RIMKLA: variants seen among roughly 807,000 people sequenced by gnomAD.
RIMKLA encodes N-acetylaspartylglutamate synthase A.
RIMKLA carries 14 observed loss-of-function variants against 32.7 expected under a neutral mutation model. The observed-to-expected ratio is 0.43, with a 90% CI of 0.28 to 0.67. RIMKLA has a LOEUF of 0.67. Ranked by LOEUF, RIMKLA falls within the 30% of genes least tolerant of loss-of-function variation. The probability of loss-of-function intolerance (pLI) is 0.18; values close to 1 mark genes in which losing one functional copy is unlikely to be tolerated. For missense variants in RIMKLA, 410 were observed against 519.0 expected, an observed-to-expected ratio of 0.79 and a Z score of 2.04; for synonymous variants, 176 against 204.1, an observed-to-expected ratio of 0.86 and a Z score of 1.18.
At position 42,399,541 on chromosome 1, in the gene RIMKLA, C is replaced by T. The variant is rs747498612; in HGVS notation, c.301C>T (p.Arg101Cys). 2.5e-6 allele frequency: 4 copies of T among 1,613,440 alleles called. No individual in the cohort carries two copies. The highest frequency in any genetic ancestry group is 3.4e-6 in the Non-Finnish European group (4 of 1,179,748). The stretch of plus-strand genomic sequence containing the variant: ...GAAGCTGGGCTGCCGGTTGGTCAAT[C>T]GCCCACAGAGCATCTTAAATTGCAT... Reference protein sequence around the residue: ...LEKLGCRLVNRPQSILNCINK... With the variant: ...LEKLGCRLVNCPQSILNCINK... Residue 101 changes from arginine (R) to cysteine (C), a missense_variant, in exon 2 of 5, where the codon CGC (arginine) becomes TGC (cysteine). By Grantham distance (180) the Arg-to-Cys change is radical. Coordinates refer to ENST00000431473, the MANE Select transcript of RIMKLA (RefSeq NM_173642.4).
At chr1:42,401,784 T>C (rs1399004318) in intron 2 of RIMKLA, among the ~76,000 whole-genome samples, 1 of 152,168 alleles carries the variant, frequency 6.6e-6, no homozygotes, top group African/African-American at 2.4e-5. Context: ...TAAGGGATGA[T>C]GCAGGGTCAA....
intron 2 of RIMKLA, among the ~76,000 whole-genome samples, chr1:42,401,410 G>A (rs1643096031): frequency 7.2e-6 from 1 of 138,056 alleles, no homozygotes. Context: ...CTATGATCAT[G>A]CCATTGCCAG....
intron 4 of RIMKLA, among the ~76,000 whole-genome samples, chr1:42,413,940 AG>A (rs2148396582): frequency 6.6e-6 from 1 of 150,808 alleles, no homozygotes; most frequent in East Asian, 2.1e-4. Flanking sequence ...ATTTTTTTGT[AG>A]AGATGGGGTC....
intron 3 of RIMKLA, among the ~76,000 whole-genome samples, chr1:42,406,225 C>T (rs796148828): frequency 3.3e-5 from 5 of 152,230 alleles, no homozygotes; most frequent in African/African-American, 1.2e-4. Flanking sequence ...AATGAAAATA[C>T]AATTCACATA....
At position 42,421,168 on chromosome 1, in the gene RIMKLA, G is replaced by A. The variant is rs1267266487; in HGVS notation, c.*6194G>A. On this transcript the variant is annotated 3_prime_UTR_variant, in exon 5 of 5. Transcript: ENST00000431473. This position sits in a 1 kb window ranked among gnomAD's most constrained non-coding sequence, Gnocchi z 4.6. The stretch of plus-strand genomic sequence containing the variant: ...ACGCTATGTGCAAGATCTAGCGAAC[G>A]TATTTGGCTAAGAAAAATCCTGGAG... The A allele has an allele frequency of 3.3e-5, 5 of 152,234 alleles. No individual in the cohort carries two copies. The highest frequency in any genetic ancestry group is 9.7e-5 in the African/African-American group (4 of 41,444). The allele number at this position is 152,234 out of a possible 1,614,324, so 9.4% of individuals were successfully genotyped here.
rs1170555513 is a variant in RIMKLA, at chr1:42,423,290, GTTTC to G, written c.*8323_*8326del. ...CCAAACACTGGGGAATGTGGCCTAT[GTTTC>G]TTTCTTCTTCTCTTACATGAAAATC... On this transcript the variant is annotated 3_prime_UTR_variant, in exon 5 of 5. Coordinates refer to ENST00000431473, the MANE Select transcript of RIMKLA (RefSeq NM_173642.4). Among the ~76,000 whole-genome samples the G allele has an allele frequency of 2.6e-5, 4 of 152,182 alleles. No individual in the cohort carries two copies. Among genetic ancestry groups the G allele is most frequent in the African/African-American group, 4.8e-5 (2 of 41,440 alleles).
rs1643289560 is a variant in RIMKLA, at chr1:42,420,847, A to G, written c.*5873A>G. The G allele has an allele frequency of 6.6e-6, 1 of 152,226 alleles. No homozygotes were observed. Among genetic ancestry groups the G allele is most frequent in the South Asian group, 2.1e-4 (1 of 4,832 alleles). 9.4% of individuals were successfully genotyped at this position (152,226 alleles called of 1,614,324 possible). On this transcript the variant is annotated 3_prime_UTR_variant, in exon 5 of 5. Transcript: ENST00000431473. ...TGTGACCCAGGGACACTTTACTTCA[A>G]CTTGTTAAACCTTAATTTTGTCACC...
intron 1 of RIMKLA, among the ~76,000 whole-genome samples, chr1:42,395,407 C>T (rs1643034934): frequency 6.6e-6 from 1 of 151,108 alleles, no homozygotes; most frequent in Admixed American, 6.6e-5. Flanking sequence ...TAATCTCAAG[C>T]CCACCCCATG....
At chr1:42,413,723 C>T in intron 4 of RIMKLA, among the ~76,000 whole-genome samples, 1 of 151,304 alleles carries the variant, frequency 6.6e-6, no homozygotes, top group Non-Finnish European at 1.5e-5. Context: ...TAATTACAAG[C>T]TGTCTGTGGG....
At position 42,424,120 on chromosome 1, in the gene RIMKLA, A is replaced by G. The variant is rs749729367; in HGVS notation, c.*9146A>G. The stretch of plus-strand genomic sequence containing the variant: ...CAACTGGTCTGTACTGTATTGCCTG[A>G]TAGTATCATATCAATGTCAATTTCC... On this transcript the variant is annotated 3_prime_UTR_variant, in exon 5 of 5. Transcript: ENST00000431473. 6.8e-4 allele frequency among the ~76,000 whole-genome samples: 103 copies of G among 152,338 alleles called. No homozygotes were observed. Among genetic ancestry groups the G allele is most frequent in the Non-Finnish European group, 6.6e-4 (45 of 68,032 alleles).
chr1:42,412,617 A>G (rs778646299), intron 4 of RIMKLA: 33 of 511,182 alleles, frequency 6.5e-5, no homozygotes, highest in Non-Finnish European at 1.1e-4. Context: ...GTTCACAACA[A>G]TTTTCCCAGC....
intron 1 of RIMKLA, among the ~76,000 whole-genome samples, chr1:42,388,023 T>C (rs988582347): frequency 6.6e-6 from 1 of 151,658 alleles, no homozygotes; most frequent in African/African-American, 2.4e-5. Context: ...TATCTGGAGG[T>C]AGAGTAGTTT....
chr1:42,410,720 G>C (rs1643190181), intron 4 of RIMKLA, among the ~76,000 whole-genome samples: 1 of 152,070 alleles, frequency 6.6e-6, no homozygotes, highest in Non-Finnish European at 1.5e-5. Context: ...GATAAAGTTT[G>C]TTATCTGTTG....
chr1:42,410,864 A>G (rs139871757), intron 4 of RIMKLA, among the ~76,000 whole-genome samples: 1 of 152,318 alleles, frequency 6.6e-6, no homozygotes, highest in Non-Finnish European at 1.5e-5. Flanking sequence ...ATTATTTCCT[A>G]AATCACCATA....
Position 42,416,269 on chromosome 1 carries a change from C to T in RIMKLA, c.*1295C>T, listed in dbSNP as rs977994106. ...AACCAAATACACTAGAACATATGCA[C>T]TCAAGAGTTAGCATAATTGGAGTTA... On this transcript the variant is annotated 3_prime_UTR_variant, in exon 5 of 5. Transcript: ENST00000431473. The T allele has an allele frequency of 1.4e-4, 22 of 152,146 alleles. No homozygotes were observed. The highest frequency in any genetic ancestry group is 4.6e-4 in the African/African-American group (19 of 41,416). 9.4% of individuals were successfully genotyped at this position (152,146 alleles called of 1,614,324 possible).
intron 2 of RIMKLA, among the ~76,000 whole-genome samples, chr1:42,402,422 C>T (rs567858396): frequency 6.6e-6 from 1 of 152,028 alleles, no homozygotes; most frequent in Non-Finnish European, 1.5e-5. Flanking sequence ...GGAGAGGTGA[C>T]CGAGGAGGAA....
rs1484325103 is a variant in RIMKLA, at chr1:42,424,141, T to C, written c.*9167T>C. ...CCTGATAGTATCATATCAATGTCAA[T>C]TTCCTCATTTTGGTGATTGTTCTAA... On this transcript the variant is annotated 3_prime_UTR_variant, in exon 5 of 5. Transcript: ENST00000431473. 2.0e-5 allele frequency among the ~76,000 whole-genome samples: 3 copies of C among 152,232 alleles called. No homozygotes were observed. The highest frequency in any genetic ancestry group is 4.4e-5 in the Non-Finnish European group (3 of 68,044).
chr1:42,392,811 G>A (rs147604860), intron 1 of RIMKLA, among the ~76,000 whole-genome samples: 133 of 152,216 alleles, frequency 8.7e-4, no homozygotes, highest in African/African-American at 3.1e-3. Flanking sequence ...GGGCAATATG[G>A]TGAAAACCCG....
chr1:42,387,369 C>A (rs535355765), intron 1 of RIMKLA, among the ~76,000 whole-genome samples: 2 of 151,720 alleles, frequency 1.3e-5, no homozygotes, highest in Admixed American at 1.3e-4. Context: ...TGCTCTCCAG[C>A]CTGGGCAATA....
Sources: gnomAD v4.1 joint callset for allele counts (sites outside exome capture counted in the v4.1 genomes callset) on GRCh38, gnomAD v4.1.1 for gene constraint, Gnocchi (gnomAD v3.1) non-coding constraint, MANE v1.5 for transcripts, NCBI Gene and HGNC (gene_info 2026-07-23, HGNC 2026-07-21) for gene names.